The following NALF1 variants were observed in gnomAD, a reference collection of about 807,000 sequenced individuals.
The protein encoded by NALF1 is family with sequence similarity 155 member A.
A neutral mutation model predicts 48.4 loss-of-function variants in NALF1; 3 were observed. That is an observed-to-expected ratio of 0.06 (90% CI 0.03 to 0.16). NALF1 has a LOEUF of 0.16. Ranked by LOEUF, NALF1 falls within the 10% of genes least tolerant of loss-of-function variation. The probability of loss-of-function intolerance (pLI) is 1.00; values close to 1 mark genes in which losing one functional copy is unlikely to be tolerated. For missense variants in NALF1, 526 were observed against 571.5 expected (o/e 0.92, Z 0.81); for synonymous variants, 262 against 245.7 (o/e 1.07, Z -0.62).
At chr13:107,826,525 A>C (rs890066448) in intron 1 of NALF1, among the ~76,000 whole-genome samples, 1 of 152,270 alleles carries the variant, frequency 6.6e-6, no homozygotes, top group African/African-American at 2.4e-5. Flanking sequence ...ACGGGGCTCC[A>C]GGCTGAATGG....
At chr13:107,591,768 CAATT>C (rs778743001) in intron 1 of NALF1, among the ~76,000 whole-genome samples, 1 of 151,986 alleles carries the variant, frequency 6.6e-6, no homozygotes, top group Non-Finnish European at 1.5e-5. Context: ...ATATTTAACT[CAATT>C]AAAATATTTG....
At chr13:107,587,906 C>G (rs1878503512) in intron 1 of NALF1, among the ~76,000 whole-genome samples, 2 of 152,118 alleles carry the variant, frequency 1.3e-5, no homozygotes, top group African/African-American at 4.8e-5. Context: ...GTGTCTAACT[C>G]CTCTCTTCTG....
At chr13:107,854,644 G>C (rs749962522) in intron 1 of NALF1, among the ~76,000 whole-genome samples, 2 of 152,010 alleles carry the variant, frequency 1.3e-5, no homozygotes, top group Non-Finnish European at 2.9e-5. Flanking sequence ...AGGCCGAGGC[G>C]GGCAGATCAC....
Position 107,310,647 on chromosome 13 carries a change from T to G in NALF1, c.916-99892A>C, listed in dbSNP as rs187606406. ...GAGTTATGGACACATATCAACCACT[T>G]TATCATAAAACACAATACAATTATT... On this transcript the variant is annotated intron_variant, in intron 1 of 2. Transcript: ENST00000375915. Among the ~76,000 whole-genome samples, 26 of 152,098 alleles carry G rather than the reference T, an allele frequency of 1.7e-4. No homozygotes were observed. In the East Asian group the frequency reaches 5.0e-3, roughly 29 times the overall value.
intron 1 of NALF1, among the ~76,000 whole-genome samples, chr13:107,720,631 T>C (rs143768750): frequency 3.3e-5 from 5 of 151,902 alleles, no homozygotes; most frequent in Non-Finnish European, 7.4e-5. Context: ...ACCTAAACTA[T>C]TGAAGCAGCC....
intron 1 of NALF1, among the ~76,000 whole-genome samples, chr13:107,543,720 C>CATACATGTATATATACACACACATTT (rs1447446837): frequency 2.0e-5 from 3 of 151,864 alleles, no homozygotes; most frequent in African/African-American, 7.3e-5. Flanking sequence ...CACACACATA[C>CATACATGTATATATACACACACATTT]ATACATGTAT....
chr13:107,718,396 A>G (rs1208818308), intron 1 of NALF1, among the ~76,000 whole-genome samples: 1 of 151,982 alleles, frequency 6.6e-6, no homozygotes, highest in African/African-American at 2.4e-5. Flanking sequence ...AAGGAAGAAG[A>G]CTCTCATCCC....
chr13:107,645,267 C>T (rs1880285282), intron 1 of NALF1, among the ~76,000 whole-genome samples: 1 of 152,060 alleles, frequency 6.6e-6, no homozygotes, highest in Admixed American at 6.6e-5. Flanking sequence ...TTAGTATTGT[C>T]CTTTTCATTT....
intron 1 of NALF1, among the ~76,000 whole-genome samples, chr13:107,354,800 G>A (rs1300605844): frequency 2.0e-5 from 3 of 152,082 alleles, no homozygotes; most frequent in African/African-American, 7.2e-5. Context: ...AACTATGGTG[G>A]GAGAGGGTTT....
chr13:107,549,414 G>A (rs1002851506), intron 1 of NALF1, among the ~76,000 whole-genome samples: 1 of 152,128 alleles, frequency 6.6e-6, no homozygotes, highest in African/African-American at 2.4e-5. Flanking sequence ...TAAAAATTAG[G>A]TTTCACATCA....
Position 107,169,111 on chromosome 13 carries a change from C to CAAAG in NALF1, c.*1382_*1385dup, listed in dbSNP as rs1445326718. ...ACACTCAGCAGGTGAAATGTTCCCA[C>CAAAG]AAAGAAAATAAAATACAAACAGTGA... On this transcript the variant is annotated 3_prime_UTR_variant, in exon 3 of 3. Coordinates refer to ENST00000375915, the MANE Select transcript of NALF1 (RefSeq NM_001080396.3). 1 of 152,460 alleles carries CAAAG rather than the reference C, an allele frequency of 6.6e-6. No individual in the cohort carries two copies. The highest frequency in any genetic ancestry group is 1.5e-5 in the Non-Finnish European group (1 of 67,996). 9.4% of individuals were successfully genotyped at this position (152,460 alleles called of 1,614,324 possible). A position where few individuals can be genotyped will look rare whatever the true frequency, so the allele number is the denominator to read the frequency against.
intron 1 of NALF1, among the ~76,000 whole-genome samples, chr13:107,589,425 G>A (rs1157698257): frequency 1.3e-5 from 2 of 151,924 alleles, no homozygotes; most frequent in Non-Finnish European, 2.9e-5. Context: ...GAAACACCAA[G>A]ATTTTACAAG....
intron 1 of NALF1, among the ~76,000 whole-genome samples, chr13:107,286,863 G>C (rs1881505240): frequency 6.6e-6 from 1 of 152,198 alleles, no homozygotes; most frequent in Admixed American, 6.5e-5. Flanking sequence ...CATAGGGATA[G>C]AGAATGCATA....
chr13:107,451,617 T>C (rs1290701171), intron 1 of NALF1, among the ~76,000 whole-genome samples: 1 of 152,214 alleles, frequency 6.6e-6, no homozygotes, highest in African/African-American at 2.4e-5. Context: ...TTCTCTTTCC[T>C]CTTCACTGGT....
At chr13:107,738,342 C>T (rs16971020) in intron 1 of NALF1, among the ~76,000 whole-genome samples, 294 of 152,268 alleles carry the variant, frequency 1.9e-3, no homozygotes, top group Non-Finnish European at 3.1e-3. Flanking sequence ...GTGGCATTTA[C>T]GCATTCTGTG....
intron 1 of NALF1, among the ~76,000 whole-genome samples, chr13:107,728,507 G>A (rs1876219726): frequency 1.3e-5 from 2 of 148,748 alleles, no homozygotes; most frequent in Admixed American, 1.4e-4. Context: ...ACAGGGAGGG[G>A]AACACCACAC....
intron 2 of NALF1, 151 bp downstream of exon 2, chr13:107,210,433 C>T (rs1202845082): frequency 3.3e-6 from 2 of 604,492 alleles, no homozygotes; most frequent in Non-Finnish European, 5.9e-6. Flanking sequence ...TTGAGGGGAG[C>T]TTTCGGTGCT....
intron 1 of NALF1, among the ~76,000 whole-genome samples, chr13:107,353,468 G>A (rs1882909857): frequency 1.3e-5 from 2 of 152,230 alleles, no homozygotes; most frequent in South Asian, 4.1e-4. Context: ...ACCTGGCAAA[G>A]TTCTCTAGTC....
chr13:107,621,823 A>G (rs1380586610), intron 1 of NALF1, among the ~76,000 whole-genome samples: 1 of 152,132 alleles, frequency 6.6e-6, no homozygotes, highest in Non-Finnish European at 1.5e-5. Context: ...CCGGAATTCA[A>G]TCCCTGGGTG....
Sources: allele counts gnomAD v4.1 joint callset (sites outside exome capture counted in the v4.1 genomes callset), GRCh38; gene constraint gnomAD v4.1.1; transcripts MANE v1.5; gene names NCBI Gene and HGNC (gene_info 2026-07-23, HGNC 2026-07-21).